Variants in GRID1 observed in about 807,000 individuals in gnomAD.
GRID1 encodes the protein glutamate ionotropic receptor delta type subunit 1, also known as glutamate receptor ionotropic, delta-1.
A neutral mutation model predicts 98.0 loss-of-function variants in GRID1; 28 were observed. The observed-to-expected ratio is 0.29, with a 90% confidence interval of 0.21 to 0.39. GRID1 has a LOEUF of 0.39. Among genes scored for constraint, GRID1 ranks in the 10% least tolerant of loss-of-function variants. The pLI is 1.00. For missense variants in GRID1, 1,111 were observed against 1,340.5 expected, an observed-to-expected ratio of 0.83 and a Z score of 2.67; for synonymous variants, 553 against 538.5, an observed-to-expected ratio of 1.03 and a Z score of -0.37.
At chr10:86,217,643 C>A (rs963003775) in intron 2 of GRID1, among the ~76,000 whole-genome samples, 1 of 152,144 alleles carries the variant, frequency 6.6e-6, no homozygotes, top group African/African-American at 2.4e-5. Flanking sequence ...CACATGCCTG[C>A]GGGTTTGGTG....
intron 3 of GRID1, among the ~76,000 whole-genome samples, chr10:86,189,354 A>G (rs1845769045): frequency 6.6e-6 from 1 of 152,018 alleles, no homozygotes; most frequent in Non-Finnish European, 1.5e-5. Flanking sequence ...TTCCTGCTAC[A>G]AAGTGGCCCC....
At chr10:86,260,039 G>T (rs1327858830) in intron 2 of GRID1, among the ~76,000 whole-genome samples, 1 of 152,222 alleles carries the variant, frequency 6.6e-6, no homozygotes, top group Non-Finnish European at 1.5e-5. Flanking sequence ...GTGTGAACTG[G>T]TCTCTAGCTG....
chr10:85,747,253 A>T (rs2132681389), intron 8 of GRID1, among the ~76,000 whole-genome samples: 1 of 152,262 alleles, frequency 6.6e-6, no homozygotes, highest in South Asian at 2.1e-4. Context: ...CAGTGACTGT[A>T]TAGGCATTTC....
intron 2 of GRID1, among the ~76,000 whole-genome samples, chr10:86,315,332 G>A (rs113551110): frequency 0.074 from 11,183 of 152,094 alleles, 920 homozygotes; most frequent in East Asian, 0.48. Context: ...ATAGCCACAC[G>A]CCAGCCAGCA....
At chr10:86,217,001 AG>A (rs991133647) in intron 2 of GRID1, among the ~76,000 whole-genome samples, 4 of 152,176 alleles carry the variant, frequency 2.6e-5, no homozygotes, top group African/African-American at 9.7e-5. Flanking sequence ...GGGTGGGGCA[AG>A]GACATGCCTT....
intron 3 of GRID1, among the ~76,000 whole-genome samples, chr10:86,201,410 G>A (rs1264610690): frequency 6.6e-6 from 1 of 152,088 alleles, no homozygotes; most frequent in Admixed American, 6.6e-5. Context: ...CCACTATCCT[G>A]AGCCAACTAA....
chr10:86,056,818 C>T (rs1240180979), intron 4 of GRID1, among the ~76,000 whole-genome samples: 2 of 152,220 alleles, frequency 1.3e-5, no homozygotes, highest in African/African-American at 4.8e-5. Flanking sequence ...CTGGCAGGCC[C>T]TTCCAAGGGC....
intron 15 of GRID1, among the ~76,000 whole-genome samples, chr10:85,603,488 A>G (rs1404440275): frequency 6.6e-6 from 1 of 152,244 alleles, no homozygotes; most frequent in Non-Finnish European, 1.5e-5. Flanking sequence ...ATCACAGGAA[A>G]TTACTTGGCT....
chr10:86,122,416 T>A (rs538792103), intron 4 of GRID1, among the ~76,000 whole-genome samples: 2 of 152,366 alleles, frequency 1.3e-5, no homozygotes, highest in South Asian at 4.1e-4. Context: ...GCCAGGGATG[T>A]GCTTGCTTTG....
At chr10:85,642,702 C>A (rs1843137363) in intron 13 of GRID1, among the ~76,000 whole-genome samples, 1 of 152,186 alleles carries the variant, frequency 6.6e-6, no homozygotes, top group South Asian at 2.1e-4. Flanking sequence ...TCATCAAAGC[C>A]TGACAAGGTC....
intron 2 of GRID1, among the ~76,000 whole-genome samples, chr10:86,287,706 T>C (rs1437771089): frequency 6.6e-6 from 1 of 152,088 alleles, no homozygotes; most frequent in Non-Finnish European, 1.5e-5. Context: ...CCGTTGCACC[T>C]GTTCTTTAGT....
intron 8 of GRID1, among the ~76,000 whole-genome samples, chr10:85,806,264 C>T (rs1842622382): frequency 6.6e-6 from 1 of 151,942 alleles, no homozygotes; most frequent in Admixed American, 6.6e-5. Context: ...ACACAAATAC[C>T]ACTATATGCC....
At chr10:86,078,493 C>T (rs1247352397) in intron 4 of GRID1, among the ~76,000 whole-genome samples, 1 of 152,264 alleles carries the variant, frequency 6.6e-6, no homozygotes, top group Non-Finnish European at 1.5e-5. Flanking sequence ...CCTGCCCTGC[C>T]TCCTCTCACA....
At chr10:86,085,566 T>C (rs185756586) in intron 4 of GRID1, among the ~76,000 whole-genome samples, 210 of 152,248 alleles carry the variant, frequency 1.4e-3, no homozygotes, top group Non-Finnish European at 2.0e-3. Context: ...AAAGGTAACC[T>C]CCTGCCTGAC....
chr10:86,135,247 G>T (rs547019531), intron 4 of GRID1, among the ~76,000 whole-genome samples: 1 of 152,324 alleles, frequency 6.6e-6, no homozygotes. Context: ...AAGAACCAAG[G>T]CCCAACTAGG....
intron 3 of GRID1, among the ~76,000 whole-genome samples, chr10:86,153,047 C>A (rs989176651): frequency 3.3e-5 from 5 of 152,234 alleles, no homozygotes; most frequent in Non-Finnish European, 7.3e-5. Context: ...GATGCCACCA[C>A]CCCTCATTGT....
At chr10:86,137,640 C>T (rs1844948131) in intron 4 of GRID1, among the ~76,000 whole-genome samples, 1 of 152,124 alleles carries the variant, frequency 6.6e-6, no homozygotes, top group South Asian at 2.1e-4. Context: ...GCTGCTAATC[C>T]CAGGCTGTCC....
At chr10:85,861,810 G>C (rs75342390) in intron 6 of GRID1, among the ~76,000 whole-genome samples, 2 of 152,352 alleles carry the variant, frequency 1.3e-5, no homozygotes, top group African/African-American at 4.8e-5. Context: ...CAGCTCAGGG[G>C]TTTCAGTCCT....
At chr10:85,870,453 C>T (rs1843267432) in intron 5 of GRID1, among the ~76,000 whole-genome samples, 1 of 152,194 alleles carries the variant, frequency 6.6e-6, no homozygotes, top group Non-Finnish European at 1.5e-5. Flanking sequence ...ACCTTGTGAT[C>T]GTGTGAGCCA....
Sources: gnomAD v4.1 joint callset for allele counts (sites outside exome capture counted in the v4.1 genomes callset) on GRCh38, gnomAD v4.1.1 for gene constraint, MANE v1.5 for transcripts, NCBI Gene and HGNC (gene_info 2026-07-23, HGNC 2026-07-21) for gene names.